ITGB5: variants seen among roughly 807,000 people sequenced by gnomAD.
ITGB5 encodes integrin beta-5.
A neutral mutation model predicts 84.8 loss-of-function variants in ITGB5; 38 were observed. The observed-to-expected ratio is 0.45, with a 90% CI of 0.35 to 0.59. ITGB5 has a LOEUF of 0.59. ITGB5 is among the 20% of genes least tolerant of loss of function. ITGB5 has a pLI of 0.01. For synonymous variants in ITGB5, 393 were observed against 414.4 expected (o/e 0.95, Z 0.63); for missense variants, 905 against 1,034.5 (o/e 0.87, Z 1.72).
At chr3:124,889,393 G>A (rs1934943912), upstream of ITGB5, among the ~76,000 whole-genome samples, 1 of 152,136 alleles carries the variant, frequency 6.6e-6, no homozygotes, top group African/African-American at 2.4e-5. Flanking sequence ...CCAAACCAAT[G>A]TACGTCTTAC....
chr3:124,874,854 C>G (rs912792851), intron 1 of ITGB5, among the ~76,000 whole-genome samples: 1 of 152,186 alleles, frequency 6.6e-6, no homozygotes, highest in South Asian at 2.1e-4. Context: ...AAAAAATCAA[C>G]TCAATATGGT....
intron 8 of ITGB5, among the ~76,000 whole-genome samples, chr3:124,816,391 G>A (rs377304409): frequency 1.3e-5 from 2 of 152,328 alleles, no homozygotes; most frequent in South Asian, 2.1e-4. Context: ...GTGTGATGCC[G>A]TACTGATTCG....
intron 8 of ITGB5, among the ~76,000 whole-genome samples, chr3:124,810,473 A>ACAT (rs1404399520): frequency 6.6e-6 from 1 of 152,164 alleles, no homozygotes; most frequent in African/African-American, 2.4e-5. Context: ...TCCTTGTGAC[A>ACAT]CATGCCTGTA....
chr3:124,860,943 G>A (rs986401952), intron 2 of ITGB5, among the ~76,000 whole-genome samples: 3 of 151,986 alleles, frequency 2.0e-5, no homozygotes, highest in African/African-American at 7.3e-5. Context: ...GCTCACACCT[G>A]TAATCCCAGC....
At chr3:124,777,277 A>G (rs1432944656) in intron 10 of ITGB5, among the ~76,000 whole-genome samples, 2 of 152,212 alleles carry the variant, frequency 1.3e-5, no homozygotes, top group Non-Finnish European at 2.9e-5. Flanking sequence ...CTGCCAGGAA[A>G]GCAGTGGTGT....
At position 124,886,934 on chromosome 3, in the gene ITGB5, C is replaced by A; in HGVS notation, c.67G>T (p.Ala23Ser). ...LGLCALLPRL[A>S]GLNICTSGSA... ...CGCCGTGGGCGGCGCGGCTTACCTGCGAGCCGGGGCAGGAGCGCGCAGAGC... is the reference window on the plus strand; with the variant it reads ...CGCCGTGGGCGGCGCGGCTTACCTGAGAGCCGGGGCAGGAGCGCGCAGAGC... The change falls in exon 1 of 15, where the codon GCA becomes TCA. Residue 23 changes from alanine to serine, a missense_variant. Ala to Ser is a moderately conservative substitution (Grantham distance 99, BLOSUM62 1). Transcript: ENST00000296181. 2.2e-5 allele frequency: 27 copies of A among 1,212,822 alleles called. No individual in the cohort carries two copies. Among genetic ancestry groups the A allele is most frequent in the Non-Finnish European group, 2.7e-5 (26 of 975,848 alleles). The allele number at this position is 1,212,822 out of a possible 1,614,324, so 75.1% of individuals were successfully genotyped here.
rs1246280622 is a variant in ITGB5, at chr3:124,850,406, T to C, written c.362-1848A>G. On this transcript the variant is annotated intron_variant, in intron 3 of 14. Coordinates refer to ENST00000296181, the MANE Select transcript of ITGB5 (RefSeq NM_002213.5). The stretch of plus-strand genomic sequence containing the variant: ...GGCTTGCACGGATGAAGTATGATTA[T>C]GATCATTACTGCTTGCAGTCAGAGT... Among the ~76,000 whole-genome samples the C allele has an allele frequency of 4.6e-5, 7 of 152,196 alleles. No homozygotes were observed. In the Middle Eastern group the frequency reaches 0.014, roughly 296 times the overall value.
chr3:124,782,660 C>T (rs2064021275), intron 10 of ITGB5, among the ~76,000 whole-genome samples: 2 of 152,028 alleles, frequency 1.3e-5, no homozygotes, highest in Admixed American at 1.3e-4. Flanking sequence ...GAATTTGAGA[C>T]CAGCCTGACC....
rs141800834 is a variant in ITGB5, at chr3:124,880,925, T to A, written c.70+6006A>T. Among the ~76,000 whole-genome samples the A allele has an allele frequency of 1.4e-3, 218 of 151,736 alleles. 1 individual carries two copies. Among genetic ancestry groups the A allele is most frequent in the African/African-American group, 5.2e-3 (213 of 41,318 alleles). On this transcript the variant is annotated intron_variant, in intron 1 of 14. Transcript: ENST00000296181. ...GCCTGGGCAACAGAGTGAGACTCCA[T>A]CTCAAAATAAAATAAAAAAGAAAGG...
At chr3:124,809,898 A>C (rs1446470639) in intron 8 of ITGB5, among the ~76,000 whole-genome samples, 1 of 152,152 alleles carries the variant, frequency 6.6e-6, no homozygotes, top group Non-Finnish European at 1.5e-5. Flanking sequence ...GGGCTCCCCA[A>C]CCCTGCTGGT....
chr3:124,766,059 CAAAAAAAAAAAA>C (rs376914121), intron 13 of ITGB5, among the ~76,000 whole-genome samples, 155 bp downstream of exon 13: 6 of 104,446 alleles, frequency 5.7e-5, no homozygotes, highest in Non-Finnish European at 1.0e-4. Flanking sequence ...CAGCCTGTGT[CAAAAAAAAAAAA>C]AAAAAGAAAA....
chr3:124,786,600 A>G (rs1436210339), intron 10 of ITGB5, among the ~76,000 whole-genome samples: 1 of 152,130 alleles, frequency 6.6e-6, no homozygotes, highest in Non-Finnish European at 1.5e-5. Flanking sequence ...GGGTCAGAGA[A>G]CAACAGTCAG....
chr3:124,861,184 G>A (rs969233670), intron 2 of ITGB5, among the ~76,000 whole-genome samples: 3 of 151,680 alleles, frequency 2.0e-5, no homozygotes, highest in African/African-American at 4.9e-5. Flanking sequence ...TTATATTCTG[G>A]GTTGTTTTTT....
At chr3:124,840,264 T>C (rs1241939056) in intron 5 of ITGB5, among the ~76,000 whole-genome samples, 1 of 152,170 alleles carries the variant, frequency 6.6e-6, no homozygotes, top group Non-Finnish European at 1.5e-5. Context: ...CCTCACCAAA[T>C]GGAAGAGTCC....
chr3:124,838,688 G>A (rs1486591233), intron 5 of ITGB5, among the ~76,000 whole-genome samples: 4 of 151,670 alleles, frequency 2.6e-5, no homozygotes, highest in Non-Finnish European at 4.4e-5. Context: ...TGAAAGCTCC[G>A]CCTCCGGGGT....
chr3:124,813,713 TC>T (rs2064541015), intron 8 of ITGB5, among the ~76,000 whole-genome samples: 1 of 152,174 alleles, frequency 6.6e-6, no homozygotes, highest in Admixed American at 6.5e-5. Flanking sequence ...GGTGCCACTC[TC>T]CAGGAACCTG....
At chr3:124,863,998 AAGAG>A (rs989752560) in intron 2 of ITGB5, among the ~76,000 whole-genome samples, 12 of 150,654 alleles carry the variant, frequency 8.0e-5, no homozygotes, top group East Asian at 1.9e-4. Context: ...AAAAAAAAGA[AAGAG>A]AGAGAGAGGA....
chr3:124,789,451 C>T (rs4677945), intron 10 of ITGB5, among the ~76,000 whole-genome samples: 17,227 of 99,276 alleles, frequency 0.17, 636 homozygotes, highest in African/African-American at 0.27. Flanking sequence ...AGAACCGCCT[C>T]TGACTAGACA....
intron 2 of ITGB5, among the ~76,000 whole-genome samples, chr3:124,869,446 C>T (rs754073027): frequency 2.0e-4 from 30 of 152,046 alleles, no homozygotes; most frequent in Non-Finnish European, 3.2e-4. Context: ...TATGGTGGCA[C>T]GCGCCTGTAA....
Sources: allele counts gnomAD v4.1 joint callset (sites outside exome capture counted in the v4.1 genomes callset), GRCh38; gene constraint gnomAD v4.1.1; transcripts MANE v1.5; gene names NCBI Gene and HGNC (gene_info 2026-07-23, HGNC 2026-07-21).